LRRC4C: variants seen among roughly 807,000 people sequenced by gnomAD.
The protein encoded by LRRC4C is leucine rich repeat containing 4C.
In LRRC4C, 5 loss-of-function variants were observed where a neutral mutation model predicts 33.6. The observed-to-expected ratio is 0.15, with a 90% CI of 0.08 to 0.31. LRRC4C has a LOEUF of 0.31. Ranked by LOEUF, LRRC4C falls within the 10% of genes least tolerant of loss-of-function variation. The probability of loss-of-function intolerance (pLI) is 1.00; values close to 1 mark genes in which losing one functional copy is unlikely to be tolerated. For synonymous variants in LRRC4C, 329 were observed against 302.0 expected (o/e 1.09, Z -0.93); for missense variants, 560 against 796.7 (o/e 0.70, Z 3.58).
intron 3 of LRRC4C, among the ~76,000 whole-genome samples, chr11:40,397,182 T>A (rs1016240379): frequency 3.9e-5 from 6 of 152,104 alleles, no homozygotes; most frequent in Admixed American, 6.6e-5. Flanking sequence ...ACCCAATCTC[T>A]GGAAACATTT....
chr11:40,769,044 T>C (rs1401974754), intron 2 of LRRC4C, among the ~76,000 whole-genome samples: 4 of 152,074 alleles, frequency 2.6e-5, no homozygotes, highest in Non-Finnish European at 1.5e-5. Context: ...AGTCAAATTA[T>C]CGTTGTTTGT....
intron 3 of LRRC4C, among the ~76,000 whole-genome samples, chr11:40,341,169 C>T (rs992436653): frequency 3.3e-5 from 5 of 152,148 alleles, no homozygotes; most frequent in Non-Finnish European, 7.4e-5. Flanking sequence ...GAACTATAAA[C>T]AACTTTCAAA....
chr11:41,253,246 T>A (rs1948699021), intron 1 of LRRC4C, among the ~76,000 whole-genome samples: 1 of 152,112 alleles, frequency 6.6e-6, no homozygotes. Flanking sequence ...TACATTATAA[T>A]CATCAAAATG....
intron 1 of LRRC4C, among the ~76,000 whole-genome samples, chr11:41,055,671 T>C (rs994893812): frequency 6.6e-6 from 1 of 152,134 alleles, no homozygotes; most frequent in East Asian, 1.9e-4. Flanking sequence ...CAAAATTATG[T>C]CTCTGTAAAG....
chr11:41,158,612 T>A (rs527709598), intron 1 of LRRC4C, among the ~76,000 whole-genome samples: 1 of 152,240 alleles, frequency 6.6e-6, no homozygotes, highest in East Asian at 1.9e-4. Flanking sequence ...AGGAGAAGGA[T>A]ATGGCGATGG....
At chr11:40,238,385 A>G (rs1332661169) in intron 5 of LRRC4C, among the ~76,000 whole-genome samples, 1 of 152,170 alleles carries the variant, frequency 6.6e-6, no homozygotes, top group East Asian at 1.9e-4. Context: ...TTCTTTGGCT[A>G]TCCTCATTTC....
At chr11:40,948,875 A>G (rs1958553244) in intron 1 of LRRC4C, among the ~76,000 whole-genome samples, 1 of 151,998 alleles carries the variant, frequency 6.6e-6, no homozygotes, top group African/African-American at 2.4e-5. Context: ...TCCTTTGGGT[A>G]TATACCCAGT....
intron 2 of LRRC4C, among the ~76,000 whole-genome samples, chr11:40,791,066 A>G (rs935290209): frequency 6.6e-6 from 1 of 152,074 alleles, no homozygotes; most frequent in Non-Finnish European, 1.5e-5. Flanking sequence ...AAAAGCTGTG[A>G]GCTGTTTTGT....
chr11:41,178,354 A>ATGT (rs1038582711), intron 1 of LRRC4C, among the ~76,000 whole-genome samples: 1 of 152,068 alleles, frequency 6.6e-6, no homozygotes, highest in Non-Finnish European at 1.5e-5. Flanking sequence ...CACACTTTCT[A>ATGT]TGTTGTTGTT....
intron 4 of LRRC4C, among the ~76,000 whole-genome samples, chr11:40,272,762 A>G (rs188323161): frequency 1.7e-4 from 26 of 152,256 alleles, no homozygotes; most frequent in Non-Finnish European, 2.9e-4. Flanking sequence ...GTTGGAGGAA[A>G]GCATGTCTTA....
rs532904045 is a variant in LRRC4C, at chr11:41,246,917, T to C, written c.-496+212514A>G. Reference sequence around the variant, plus strand: ...ATTCTGAATTATAAGAAACACCTTTTCAGAAAGTTCATTCCTAACATTTAA... The same window carrying C: ...ATTCTGAATTATAAGAAACACCTTTCCAGAAAGTTCATTCCTAACATTTAA... On this transcript the variant is annotated intron_variant, in intron 1 of 6. Coordinates refer to ENST00000528697, the MANE Select transcript of LRRC4C (RefSeq NM_001258419.2). Among the ~76,000 whole-genome samples the C allele has an allele frequency of 2.6e-5, 4 of 152,334 alleles. No individual in the cohort carries two copies. The South Asian group carries it at 8.3e-4, about 32-fold the overall frequency.
rs1470463616 is a variant in LRRC4C at position 40,796,643 on chromosome 11, T to A, written c.-407+136992A>T. On this transcript the variant is annotated intron_variant, in intron 2 of 6. Coordinates refer to ENST00000528697, the MANE Select transcript of LRRC4C (RefSeq NM_001258419.2). The stretch of plus-strand genomic sequence containing the variant: ...GAGGGCTAAGCAGAACTCTTTTTTT[T>A]TTTTTTTTTTTTTTTTATTTTGAGA... 2.9e-5 allele frequency among the ~76,000 whole-genome samples: 4 copies of A among 136,734 alleles called. No individual in the cohort carries two copies. In the Middle Eastern group the frequency reaches 9.7e-3, roughly 333 times the overall value. 89.7% of individuals were successfully genotyped at this position (136,734 alleles called of 152,430 possible). A position where few individuals can be genotyped will look rare whatever the true frequency, so the allele number is the denominator to read the frequency against.
At chr11:40,441,461 C>CT (rs931613930) in intron 3 of LRRC4C, among the ~76,000 whole-genome samples, 1 of 152,266 alleles carries the variant, frequency 6.6e-6, no homozygotes, top group South Asian at 2.1e-4. Context: ...TCTCTAGCTA[C>CT]TTTTTTTGTG....
intron 3 of LRRC4C, among the ~76,000 whole-genome samples, chr11:40,340,353 T>C (rs1450568883): frequency 1.3e-5 from 2 of 151,790 alleles, no homozygotes; most frequent in Non-Finnish European, 2.9e-5. Flanking sequence ...CTATAGAAAA[T>C]AGAAGAAAAA....
At chr11:40,774,916 A>G (rs1047843456) in intron 2 of LRRC4C, among the ~76,000 whole-genome samples, 1 of 152,134 alleles carries the variant, frequency 6.6e-6, no homozygotes, top group Non-Finnish European at 1.5e-5. Flanking sequence ...CAAGTGCACA[A>G]ATAATTATCT....
chr11:40,696,770 A>ATC (rs1565646084), intron 2 of LRRC4C, among the ~76,000 whole-genome samples: 12 of 144,632 alleles, frequency 8.3e-5, no homozygotes, highest in African/African-American at 3.1e-4. Context: ...ATATATATAT[A>ATC]TATATCTGAG....
chr11:40,921,497 C>T (rs901151671), intron 2 of LRRC4C, among the ~76,000 whole-genome samples: 1 of 151,980 alleles, frequency 6.6e-6, no homozygotes, highest in Non-Finnish European at 1.5e-5. Context: ...TGAATCCTCC[C>T]TTAGATCACC....
At chr11:41,136,039 CA>C (rs1384949193) in intron 1 of LRRC4C, among the ~76,000 whole-genome samples, 1 of 152,076 alleles carries the variant, frequency 6.6e-6, no homozygotes, top group Non-Finnish European at 1.5e-5. Context: ...TCAATCTAGC[CA>C]TTCATCCATT....
intron 3 of LRRC4C, among the ~76,000 whole-genome samples, chr11:40,497,415 C>A (rs547139216): frequency 2.8e-3 from 428 of 151,784 alleles, no homozygotes; most frequent in Non-Finnish European, 5.1e-3. Flanking sequence ...AAAAAAAAGT[C>A]ATGAATTATT....
Sources: allele counts gnomAD v4.1 joint callset (sites outside exome capture counted in the v4.1 genomes callset), GRCh38; gene constraint gnomAD v4.1.1; transcripts MANE v1.5; gene names NCBI Gene and HGNC (gene_info 2026-07-23, HGNC 2026-07-21).